Variants in CCDC181 observed in about 807,000 individuals in gnomAD.
The protein encoded by CCDC181 is coiled-coil domain-containing protein 181.
A neutral mutation model predicts 58.7 loss-of-function variants in CCDC181; 35 were observed. That is an observed-to-expected ratio of 0.60 (90% CI 0.46 to 0.79). CCDC181 has a LOEUF of 0.79. CCDC181 is among the 30% of genes least tolerant of loss of function. The pLI is 0.00. For synonymous variants in CCDC181, 183 were observed against 197.5 expected, an observed-to-expected ratio of 0.93 and a Z score of 0.62; for missense variants, 517 against 583.9, an observed-to-expected ratio of 0.89 and a Z score of 1.18.
At chr1:169,407,332 T>C (rs1380617361) in intron 4 of CCDC181, among the ~76,000 whole-genome samples, 1 of 152,076 alleles carries the variant, frequency 6.6e-6, no homozygotes, top group South Asian at 2.1e-4. Flanking sequence ...TTGAACATCA[T>C]CTTTAAAATG....
intron 4 of CCDC181, among the ~76,000 whole-genome samples, chr1:169,404,654 C>T (rs549598512): frequency 4.6e-5 from 7 of 152,234 alleles, no homozygotes; most frequent in Admixed American, 2.0e-4. Flanking sequence ...ATTGATGGGA[C>T]GTATCTCAAA....
At chr1:169,401,807 A>C (rs1655366257) in intron 4 of CCDC181, among the ~76,000 whole-genome samples, 1 of 152,236 alleles carries the variant, frequency 6.6e-6, no homozygotes, top group Admixed American at 6.5e-5. Context: ...AATGACTTTG[A>C]TGAGTTGAGA....
intron 4 of CCDC181, among the ~76,000 whole-genome samples, chr1:169,408,004 C>T (rs979360582): frequency 1.3e-5 from 2 of 152,242 alleles, no homozygotes; most frequent in South Asian, 2.1e-4. Flanking sequence ...ACTGGGTGGC[C>T]GTTTGGGAAG....
chr1:169,416,947 T>C (rs1656241688), intron 4 of CCDC181, among the ~76,000 whole-genome samples: 1 of 152,146 alleles, frequency 6.6e-6, no homozygotes, highest in South Asian at 2.1e-4. Flanking sequence ...ATCTCTCATA[T>C]ACCACTTAGA....
chr1:169,433,271 G>A (rs1656967360), intron 2 of CCDC181, among the ~76,000 whole-genome samples: 2 of 151,874 alleles, frequency 1.3e-5, no homozygotes, highest in Admixed American at 1.3e-4. Context: ...TTAACTAAAT[G>A]GATGAAAGAT....
chr1:169,440,964 G>A (rs1037527665), intron 2 of CCDC181, among the ~76,000 whole-genome samples: 4 of 116,998 alleles, frequency 3.4e-5, no homozygotes, highest in South Asian at 2.4e-4. Context: ...GAGGTATGGC[G>A]TAACATGAAA....
At chr1:169,436,676 C>T (rs1300008070) in intron 2 of CCDC181, among the ~76,000 whole-genome samples, 2 of 152,210 alleles carry the variant, frequency 1.3e-5, no homozygotes, top group Non-Finnish European at 2.9e-5. Flanking sequence ...AATTCACAAT[C>T]TATAGTGACA....
rs184367710 is a variant in CCDC181, at chr1:169,436,835, T to G, written c.-23-11885A>C. On this transcript the variant is annotated intron_variant, in intron 2 of 6. Coordinates refer to the CCDC181 transcript ENST00000545005. Reference sequence around the variant, plus strand: ...AGGTGAATAATTCATAACTTCTACATGAAAGAGCTCACAGACTGAAAAAGA... The same window carrying G: ...AGGTGAATAATTCATAACTTCTACAGGAAAGAGCTCACAGACTGAAAAAGA... 5.7e-4 allele frequency among the ~76,000 whole-genome samples: 87 copies of G among 152,108 alleles called. 1 individual carries two copies. Among genetic ancestry groups the G allele is most frequent in the Non-Finnish European group, 1.5e-5 (1 of 67,996 alleles).
chr1:169,398,450 C>G (rs548611260), intron 4 of CCDC181, among the ~76,000 whole-genome samples: 2 of 152,102 alleles, frequency 1.3e-5, no homozygotes, highest in African/African-American at 2.4e-5. Flanking sequence ...TTTAAAGATT[C>G]AAGGATTCAG....
intron 2 of CCDC181, chr1:169,454,497 TAC>T (rs1344656082): frequency 6.6e-6 from 1 of 151,992 alleles, no homozygotes; most frequent in Non-Finnish European, 1.5e-5. Flanking sequence ...ATAAAAAACT[TAC>T]AATGAAGGGA....
intron 4 of CCDC181, among the ~76,000 whole-genome samples, chr1:169,404,901 T>A (rs547126651): frequency 7.0e-4 from 106 of 152,268 alleles, no homozygotes; most frequent in Non-Finnish European, 1.2e-3. Context: ...GATTGTATAT[T>A]TAGAAACCCC....
intron 2 of CCDC181, chr1:169,452,885 C>G (rs1183289249): frequency 6.6e-6 from 1 of 151,786 alleles, no homozygotes; most frequent in Non-Finnish European, 1.5e-5. Context: ...CTCTTAAATC[C>G]TGAAGAACTG....
intron 1 of CCDC181, among the ~76,000 whole-genome samples, chr1:169,426,300 G>T (rs1656707230): frequency 6.6e-6 from 1 of 152,104 alleles, no homozygotes; most frequent in Non-Finnish European, 1.5e-5. Context: ...CTGTCCATAT[G>T]GTACAGAATC....
intron 2 of CCDC181, among the ~76,000 whole-genome samples, chr1:169,448,741 C>T (rs1657448499): frequency 6.6e-6 from 1 of 152,068 alleles, no homozygotes; most frequent in African/African-American, 2.4e-5. Flanking sequence ...ATTATTAATT[C>T]AAATGTTTCT....
At chr1:169,438,938 C>T (rs1657128723) in intron 2 of CCDC181, among the ~76,000 whole-genome samples, 1 of 152,200 alleles carries the variant, frequency 6.6e-6, no homozygotes, top group Non-Finnish European at 1.5e-5. Context: ...CCAAGAGTAT[C>T]CCTTCCAAAC....
chr1:169,418,148 T>C (rs144434357), intron 4 of CCDC181, among the ~76,000 whole-genome samples: 1 of 152,298 alleles, frequency 6.6e-6, no homozygotes, highest in East Asian at 1.9e-4. Flanking sequence ...ACATTTTAAA[T>C]TCACCTCTGA....
At chr1:169,438,751 G>C (rs1657124332) in intron 2 of CCDC181, among the ~76,000 whole-genome samples, 1 of 152,116 alleles carries the variant, frequency 6.6e-6, no homozygotes, top group Non-Finnish European at 1.5e-5. Context: ...CCTGAGACAG[G>C]CCTGTTGAGC....
intron 2 of CCDC181, 56 bp from the exon 3 acceptor site, chr1:169,422,369 T>C: frequency 7.9e-7 from 1 of 1,267,346 alleles, no homozygotes; most frequent in Non-Finnish European, 1.1e-6. Flanking sequence ...TAAGTAGACA[T>C]ACAAAATGGG....
chr1:169,437,279 C>G (rs1657084316), intron 2 of CCDC181, among the ~76,000 whole-genome samples: 1 of 152,152 alleles, frequency 6.6e-6, no homozygotes, highest in South Asian at 2.1e-4. Flanking sequence ...AGGTACTGAT[C>G]TTAAGGGCAG....
Sources: allele counts gnomAD v4.1 joint callset (sites outside exome capture counted in the v4.1 genomes callset), GRCh38; gene constraint gnomAD v4.1.1; transcripts MANE v1.5; gene names NCBI Gene and HGNC (gene_info 2026-07-23, HGNC 2026-07-21).